TRMT1L: variants seen among roughly 807,000 people sequenced by gnomAD.
The protein encoded by TRMT1L is tRNA (guanine(27)-N(2))-dimethyltransferase.
TRMT1L carries 28 observed loss-of-function variants against 81.6 expected under a neutral mutation model. The observed-to-expected ratio is 0.34, with a 90% CI of 0.25 to 0.47. The LOEUF is 0.47. Ranked by LOEUF, TRMT1L falls within the 20% of genes least tolerant of loss-of-function variation. The pLI is 1.00. For synonymous variants in TRMT1L, 301 were observed against 303.2 expected (o/e 0.99, Z 0.07); for missense variants, 739 against 877.1 (o/e 0.84, Z 1.99).
chr1:185,120,539 C>A, intron 13 of TRMT1L, 30 bp from the exon 14 acceptor site: 1 of 1,505,108 alleles, frequency 6.6e-7, no homozygotes, highest in Non-Finnish European at 8.8e-7. Flanking sequence ...AGTTAGCATG[C>A]TCTTAAAAAT....
Position 185,123,866 on chromosome 1 carries a change from T to C in TRMT1L, c.1813A>G (p.Ile605Val). 1 of 1,511,518 alleles carries C rather than the reference T, an allele frequency of 6.6e-7. No homozygotes were observed. The highest frequency in any genetic ancestry group is 8.9e-7 in the Non-Finnish European group (1 of 1,129,168). 93.6% of individuals were successfully genotyped at this position (1,511,518 alleles called of 1,614,324 possible). Reference sequence around the variant, plus strand: ...ATATATGCATACATACCTTGTGCAATGTAATTATCTGTTGTGGTGTCATCT... The same window carrying C: ...ATATATGCATACATACCTTGTGCAACGTAATTATCTGTTGTGGTGTCATCT... ...TTDDTTTDNY[I>V]AQGKRKSNEM... is the part of the protein sequence containing the mutation. The change falls in exon 13 of 15, where the codon ATT (isoleucine) becomes GTT (valine). Residue 605 changes from isoleucine (I) to valine (V), a missense_variant. Physicochemically the swap from Ile to Val is conservative, Grantham distance 29 (BLOSUM62 3). This residue lies in a region of TRMT1L where 196 missense variants were observed against 232.6 expected (regional missense o/e 0.84). Coordinates refer to ENST00000367506, the MANE Select transcript of TRMT1L (RefSeq NM_030934.5).
Position 185,145,417 on chromosome 1 carries a change from TTAA to T in TRMT1L, c.655+19_655+21del. On this transcript the variant is annotated intron_variant, in intron 5 of 14. Coordinates refer to ENST00000367506, the MANE Select transcript of TRMT1L (RefSeq NM_030934.5). ...ATTTAAGGATTTACATATTAATATG[TTAA>T]TGAGATTGCTCAACTTACCTGCAAT... 1 of 1,601,464 alleles carries T rather than the reference TTAA, an allele frequency of 6.2e-7. No homozygotes were observed. Among genetic ancestry groups the T allele is most frequent in the African/African-American group, 1.3e-5 (1 of 74,844 alleles).
intron 10 of TRMT1L, 46 bp from the exon 11 acceptor site, chr1:185,128,793 T>C (rs750544862): frequency 1.4e-6 from 2 of 1,443,676 alleles, no homozygotes; most frequent in Admixed American, 1.9e-5. Flanking sequence ...AAATGACTAA[T>C]ACAAATAGTA....
In TRMT1L at chr1:185,118,194, G is replaced by A. The variant is rs577882469; in HGVS notation, c.*1825C>T. 6.6e-6 allele frequency: 1 copy of A among 152,204 alleles called. No homozygotes were observed. The highest frequency in any genetic ancestry group is 2.4e-5 in the African/African-American group (1 of 41,522). The allele number at this position is 152,204 out of a possible 1,614,324, so 9.4% of individuals were successfully genotyped here. A position where few individuals can be genotyped will look rare whatever the true frequency, so the allele number is the denominator to read the frequency against. On this transcript the variant is annotated 3_prime_UTR_variant, in exon 15 of 15. Coordinates refer to ENST00000367506, the MANE Select transcript of TRMT1L (RefSeq NM_030934.5). ...TGTCCCAAATTACTACTATTGTTAC[G>A]AGAATAAGATTGCTCAGGTTGCTAA...
At chr1:185,121,588 G>T (rs1297275584) in intron 13 of TRMT1L, among the ~76,000 whole-genome samples, 1 of 152,028 alleles carries the variant, frequency 6.6e-6, no homozygotes. Flanking sequence ...CATCAAATCA[G>T]AATTATAATT....
chr1:185,149,733 A>G (rs1281008021), intron 3 of TRMT1L, among the ~76,000 whole-genome samples: 7 of 152,184 alleles, frequency 4.6e-5, no homozygotes, highest in Admixed American at 4.6e-4. Flanking sequence ...ATGCTATAAT[A>G]ATTCATATAA....
intron 11 of TRMT1L, 62 bp from the exon 12 acceptor site, chr1:185,125,172 TC>T: frequency 4.6e-6 from 6 of 1,295,542 alleles, no homozygotes; most frequent in Non-Finnish European, 6.3e-6. Flanking sequence ...AAAAAGAAAG[TC>T]TTCACAATTT....
chr1:185,145,401 T>C (rs761937880), intron 5 of TRMT1L, 38 bp downstream of exon 5: 2 of 1,576,986 alleles, frequency 1.3e-6, no homozygotes, highest in Non-Finnish European at 1.7e-6. Context: ...TATTTAAGGA[T>C]TTACATATTA....
Position 185,137,778 on chromosome 1 carries a change from G to A in TRMT1L, c.1341C>T (p.Asn447=). Residue 447 remains asparagine, a synonymous_variant, in exon 10 of 15, where the codon AAC becomes AAT. Coordinates refer to ENST00000367506, the MANE Select transcript of TRMT1L (RefSeq NM_030934.5). The stretch of plus-strand genomic sequence containing the variant: ...CTGCAAACAGTACTTCTATGCCTTT[G>A]TTGCATCGGGCTGCAGCTCTACAAT... The part of the protein sequence containing the change: ...AAVARAAARC[N]KGIEVLFAVA... The A allele has an allele frequency of 4.3e-6, 7 of 1,613,212 alleles. No individual in the cohort carries two copies. Among genetic ancestry groups the A allele is most frequent in the Non-Finnish European group, 5.1e-6 (6 of 1,179,830 alleles).
At chr1:185,156,285 A>T (rs1389286817) in intron 1 of TRMT1L, among the ~76,000 whole-genome samples, 193 bp downstream of exon 1, 1 of 152,048 alleles carries the variant, frequency 6.6e-6, no homozygotes, top group Non-Finnish European at 1.5e-5. Context: ...GACATCCTCG[A>T]GGCTTATGAA....
At chr1:185,145,913 T>G (rs1458256441) in intron 4 of TRMT1L, among the ~76,000 whole-genome samples, 1 of 151,962 alleles carries the variant, frequency 6.6e-6, no homozygotes, top group Non-Finnish European at 1.5e-5. Context: ...AAGCCCTGAT[T>G]TGTAGTATTT....
chr1:185,147,737 T>C (rs895202615), intron 3 of TRMT1L, among the ~76,000 whole-genome samples: 1 of 152,190 alleles, frequency 6.6e-6, no homozygotes, highest in Non-Finnish European at 1.5e-5. Flanking sequence ...AGAAATTCCA[T>C]AGGCTTGGGT....
intron 1 of TRMT1L, among the ~76,000 whole-genome samples, chr1:185,155,043 G>C (rs1423202308): frequency 6.6e-6 from 1 of 152,116 alleles, no homozygotes; most frequent in Non-Finnish European, 1.5e-5. Context: ...TTTAAAATGT[G>C]ATTAATATAT....
At chr1:185,147,288 A>G (rs765876579) in intron 3 of TRMT1L, 42 bp from the exon 4 acceptor site, 1 of 1,430,560 alleles carries the variant, frequency 7.0e-7, no homozygotes, top group Admixed American at 1.9e-5. Flanking sequence ...TGTTCATTAA[A>G]TATTCAGTTA....
At position 185,151,866 on chromosome 1, in the gene TRMT1L, A is replaced by G; in HGVS notation, c.305T>C (p.Phe102Ser). 6.2e-7 allele frequency: 1 copy of G among 1,605,270 alleles called. No individual in the cohort carries two copies. Among genetic ancestry groups the G allele is most frequent in the Non-Finnish European group, 8.5e-7 (1 of 1,176,404 alleles). The stretch of plus-strand genomic sequence containing the variant: ...TGAGTTCAATGAGCTGGCAGAGTCA[A>G]AATTTCCATCAGTTACAAAAGCTAA... ...ENLAFVTDGN[F>S]DSASSLNSDN... The change falls in exon 2 of 15, where the codon TTT becomes TCT. Residue 102 changes from phenylalanine to serine, a missense_variant. Coordinates refer to ENST00000367506, the MANE Select transcript of TRMT1L (RefSeq NM_030934.5).
intron 11 of TRMT1L, among the ~76,000 whole-genome samples, chr1:185,128,225 A>G (rs1223664459): frequency 6.6e-6 from 1 of 152,266 alleles, no homozygotes; most frequent in East Asian, 1.9e-4. Flanking sequence ...TATCATCTAA[A>G]TAACTTTATC....
chr1:185,153,982 C>T (rs553691448), intron 1 of TRMT1L, among the ~76,000 whole-genome samples: 1 of 152,214 alleles, frequency 6.6e-6, no homozygotes, highest in Admixed American at 6.5e-5. Flanking sequence ...AAATAATCAA[C>T]AGAAGACAAG....
At chr1:185,144,674 A>G (rs1330120397) in intron 5 of TRMT1L, among the ~76,000 whole-genome samples, 1 of 152,054 alleles carries the variant, frequency 6.6e-6, no homozygotes, top group East Asian at 1.9e-4. Flanking sequence ...TAAATATTTA[A>G]GAAATGAGAT....
At chr1:185,148,645 T>C (rs1033862820) in intron 3 of TRMT1L, among the ~76,000 whole-genome samples, 1 of 152,152 alleles carries the variant, frequency 6.6e-6, no homozygotes, top group African/African-American at 2.4e-5. Context: ...AGAGAATAAC[T>C]TGGAGGGAGA....
Sources: allele counts gnomAD v4.1 joint callset (sites outside exome capture counted in the v4.1 genomes callset), GRCh38; gene constraint gnomAD v4.1.1; regional missense constraint gnomAD v4.1.1; transcripts MANE v1.5; gene names NCBI Gene and HGNC (gene_info 2026-07-23, HGNC 2026-07-21).